Variants in LRRC63 observed in about 807,000 individuals in gnomAD.
LRRC63 encodes the protein leucine rich repeat containing 63.
Under a neutral mutation model 49.5 loss-of-function variants are expected in LRRC63, and 40 were observed. The observed-to-expected ratio is 0.81, with a 90% CI of 0.63 to 1.05. LRRC63 has a LOEUF of 1.05. Among genes scored for constraint, LRRC63 ranks in the 50% least tolerant of loss-of-function variants. LRRC63 has a pLI of 0.00. For synonymous variants in LRRC63, 191 were observed against 221.1 expected, an observed-to-expected ratio of 0.86 and a Z score of 1.21; for missense variants, 636 against 663.1, an observed-to-expected ratio of 0.96 and a Z score of 0.45.
At chr13:46,251,645 A>G (rs2047385161) in intron 7 of LRRC63, among the ~76,000 whole-genome samples, 1 of 151,924 alleles carries the variant, frequency 6.6e-6, no homozygotes, top group Non-Finnish European at 1.5e-5. Flanking sequence ...TAATATATGT[A>G]TGTATACTAA....
chr13:46,262,153 T>C (rs2047624252), intron 8 of LRRC63, among the ~76,000 whole-genome samples, 161 bp downstream of exon 8: 1 of 150,788 alleles, frequency 6.6e-6, no homozygotes, highest in African/African-American at 2.4e-5. Flanking sequence ...TGGTGTACAG[T>C]ATTTTTAAGA....
chr13:46,228,270 C>T (rs750375757), intron 3 of LRRC63, 81 bp downstream of exon 3: 9 of 1,108,300 alleles, frequency 8.1e-6, no homozygotes, highest in Non-Finnish European at 1.1e-5. Context: ...AATGGTACCC[C>T]TCCCGCTTTG....
chr13:46,231,814 A>ATTTT (rs2046767205), intron 4 of LRRC63, among the ~76,000 whole-genome samples: 1 of 131,464 alleles, frequency 7.6e-6, no homozygotes, highest in South Asian at 2.3e-4. Flanking sequence ...CCTGCCACAC[A>ATTTT]CTTTTTTTTT....
At chr13:46,275,392 G>A (rs1015725715) in intron 9 of LRRC63, among the ~76,000 whole-genome samples, 2 of 152,052 alleles carry the variant, frequency 1.3e-5, no homozygotes, top group African/African-American at 4.8e-5. Context: ...TTGAGAAACC[G>A]CCATCCTCCA....
intron 7 of LRRC63, among the ~76,000 whole-genome samples, chr13:46,256,649 T>C (rs2047515715): frequency 6.6e-6 from 1 of 152,222 alleles, no homozygotes; most frequent in Non-Finnish European, 1.5e-5. Context: ...ATAACTTGTT[T>C]CTTTAATTTC....
intron 9 of LRRC63, among the ~76,000 whole-genome samples, chr13:46,273,911 C>CA (rs34967125): frequency 0.013 from 1,339 of 100,608 alleles, 14 homozygotes; most frequent in African/African-American, 0.026. Flanking sequence ...GACTCTGTCT[C>CA]AAAAAAAAAA....
intron 3 of LRRC63, 27 bp downstream of exon 3, chr13:46,228,216 T>G: frequency 4.8e-5 from 71 of 1,478,504 alleles, no homozygotes; most frequent in Non-Finnish European, 6.2e-5. Context: ...CACGGTATAA[T>G]TATAGAGTCA....
At chr13:46,255,834 T>C (rs1306927510) in intron 7 of LRRC63, among the ~76,000 whole-genome samples, 1 of 152,024 alleles carries the variant, frequency 6.6e-6, no homozygotes, top group Non-Finnish European at 1.5e-5. Context: ...AGATATGGGG[T>C]ATTCCCATTA....
intron 7 of LRRC63, among the ~76,000 whole-genome samples, chr13:46,257,496 C>T (rs1211200702): frequency 6.6e-6 from 1 of 152,090 alleles, no homozygotes; most frequent in Non-Finnish European, 1.5e-5. Context: ...GATCACATTC[C>T]CCCAGGAGGA....
intron 8 of LRRC63, among the ~76,000 whole-genome samples, chr13:46,263,008 C>T (rs1158516479): frequency 1.3e-5 from 2 of 152,122 alleles, no homozygotes. Flanking sequence ...TCCTATGTGA[C>T]AATCTCTATA....
intron 5 of LRRC63, among the ~76,000 whole-genome samples, chr13:46,235,561 C>A (rs2046879610): frequency 6.6e-6 from 1 of 151,992 alleles, no homozygotes; most frequent in South Asian, 2.1e-4. Flanking sequence ...CCAGAGTTAA[C>A]ACATAATAAT....
At chr13:46,276,851 T>C (rs1345316486) in exon 10 of LRRC63, 8 of 144,438 alleles carry the variant, frequency 5.5e-5, no homozygotes, top group African/African-American at 2.2e-4. Flanking sequence ...TATATATATA[T>C]TTATATATAT....
chr13:46,245,493 A>G (rs1566495509), intron 5 of LRRC63, among the ~76,000 whole-genome samples: 1 of 152,174 alleles, frequency 6.6e-6, no homozygotes, highest in African/African-American at 2.4e-5. Context: ...AAAGATTGAA[A>G]TATTGTAGTT....
chr13:46,241,692 T>C (rs2047067085), intron 5 of LRRC63, among the ~76,000 whole-genome samples: 1 of 151,980 alleles, frequency 6.6e-6, no homozygotes, highest in Non-Finnish European at 1.5e-5. Context: ...AAAGAAGACA[T>C]ACATGTGATC....
intron 5 of LRRC63, among the ~76,000 whole-genome samples, chr13:46,239,794 T>G (rs1211135819): frequency 6.6e-6 from 1 of 152,200 alleles, no homozygotes; most frequent in African/African-American, 2.4e-5. Flanking sequence ...ATCAAAAAGT[T>G]TATCTACCAT....
chr13:46,228,936 A>C (rs2046660549), intron 4 of LRRC63, among the ~76,000 whole-genome samples: 1 of 152,178 alleles, frequency 6.6e-6, no homozygotes. Context: ...ATTGATATTG[A>C]GAATATAAAA....
intron 2 of LRRC63, among the ~76,000 whole-genome samples, chr13:46,216,961 C>T (rs2046268986): frequency 6.6e-6 from 1 of 152,160 alleles, no homozygotes; most frequent in South Asian, 2.1e-4. Flanking sequence ...ATGAAGCCGA[C>T]TTGATTGTGG....
chr13:46,233,141 C>T (rs2046812296), intron 4 of LRRC63, among the ~76,000 whole-genome samples: 1 of 152,254 alleles, frequency 6.6e-6, no homozygotes, highest in Middle Eastern at 3.4e-3. Flanking sequence ...CTGGTAGTTT[C>T]CTCCTTAGAA....
At chr13:46,276,695 T>C (rs2047841593) in exon 10 of LRRC63, 2 of 1,230,472 alleles carry the variant, frequency 1.6e-6, no homozygotes, top group African/African-American at 1.6e-5. Context: ...TTATGTTTTA[T>C]GTCTGTTCTC....
Sources: gnomAD v4.1 joint callset for allele counts (sites outside exome capture counted in the v4.1 genomes callset) on GRCh38, gnomAD v4.1.1 for gene constraint, MANE v1.5 for transcripts, NCBI Gene and HGNC (gene_info 2026-07-23, HGNC 2026-07-21) for gene names.